Variants in PIEZO2 observed in about 807,000 individuals in gnomAD.
The protein encoded by PIEZO2 is piezo-type mechanosensitive ion channel component 2.
Under a neutral mutation model 337.3 loss-of-function variants are expected in PIEZO2, and 172 were observed. That is an observed-to-expected ratio of 0.51 (90% CI 0.45 to 0.58). The LOEUF is 0.58. Ranked by LOEUF, PIEZO2 falls within the 20% of genes least tolerant of loss-of-function variation. The probability of loss-of-function intolerance (pLI) is 0.00; values close to 1 mark genes in which losing one functional copy is unlikely to be tolerated. For synonymous variants in PIEZO2, 1,251 were observed against 1,228.5 expected (o/e 1.02, Z -0.38); for missense variants, 3,028 against 3,391.3 (o/e 0.89, Z 2.66).
In PIEZO2 at chr18:10,973,696, G is replaced by A. The variant is rs2034330402; in HGVS notation, c.286+5839C>T. Among the ~76,000 whole-genome samples the A allele has an allele frequency of 6.6e-6, 1 of 152,152 alleles. No individual in the cohort carries two copies. Among genetic ancestry groups the A allele is most frequent in the Non-Finnish European group, 1.5e-5 (1 of 68,046 alleles). ...AAGGCTGTGTGTTGTGCCTGAATGA[G>A]TTAGGGAATGGAAAGAGAAGGGGAC... is the stretch of plus-strand genomic sequence containing the variant. On this transcript the variant is annotated intron_variant, in intron 3 of 55. Coordinates refer to ENST00000674853, the MANE Select transcript of PIEZO2 (RefSeq NM_001378183.1). This position sits in a 1 kb window ranked among gnomAD's most constrained non-coding sequence, Gnocchi z 4.9.
chr18:10,715,859 C>T, intron 37 of PIEZO2, 43 bp from the exon 38 acceptor site: 3 of 1,426,610 alleles, frequency 2.1e-6, no homozygotes, highest in Admixed American at 4.4e-5. Flanking sequence ...GAACAAAATA[C>T]CATTGATTTT....
At chr18:11,090,520 G>T (rs189976343) in intron 1 of PIEZO2, among the ~76,000 whole-genome samples, 1 of 152,300 alleles carries the variant, frequency 6.6e-6, no homozygotes, top group East Asian at 1.9e-4. Flanking sequence ...AACCTGAAAG[G>T]GTAGGGGTGG....
intron 1 of PIEZO2, among the ~76,000 whole-genome samples, chr18:11,071,324 T>G (rs1374273264): frequency 6.6e-6 from 1 of 152,258 alleles, no homozygotes; most frequent in Non-Finnish European, 1.5e-5. Flanking sequence ...CTCCTGCTTA[T>G]TTCTCATCCA....
chr18:11,039,208 G>A (rs2037025874), intron 2 of PIEZO2, among the ~76,000 whole-genome samples: 1 of 152,128 alleles, frequency 6.6e-6, no homozygotes, highest in South Asian at 2.1e-4. Context: ...CGCAATGCTG[G>A]GCTCAACAAG....
At position 10,800,342 on chromosome 18, in the gene PIEZO2, G is replaced by T. The variant is rs778003564; in HGVS notation, c.1373C>A (p.Ser458Tyr). The change falls in exon 11 of 56, where the codon TCC becomes TAC. Residue 458 changes from serine to tyrosine, a missense_variant. Physicochemically the swap from Ser to Tyr is moderately radical, Grantham distance 144 (BLOSUM62 -2). This residue lies in a region of PIEZO2 where 542 missense variants were observed against 605.6 expected (regional missense o/e 0.89). Transcript: ENST00000674853. Reference sequence around the variant, plus strand: ...AGTGCAGGGCTGGCTCCTACCTGAGGATTCATCAGAGGGCTCCCACCGGTA... The same window carrying T: ...AGTGCAGGGCTGGCTCCTACCTGAGTATTCATCAGAGGGCTCCCACCGGTA... ...PQYRWEPSDE[S>Y]SEKREEEEEE... 2 of 1,534,560 alleles carry T rather than the reference G, an allele frequency of 1.3e-6. No homozygotes were observed. Among genetic ancestry groups the T allele is most frequent in the Non-Finnish European group, 1.7e-6 (2 of 1,145,818 alleles).
rs74675729 is a variant in PIEZO2 at position 10,683,391 on chromosome 18, G to A, written c.7498-1099C>T. 7.5e-4 allele frequency among the ~76,000 whole-genome samples: 114 copies of A among 152,336 alleles called. 4 individuals are homozygous for A. In the East Asian group the frequency reaches 0.02, roughly 27 times the overall value. The stretch of plus-strand genomic sequence containing the variant: ...GGTGGTGGGCCAGGGCCAGTGCGTA[G>A]TGCACTCTGCATTCAGTGTGCATAA... On this transcript the variant is annotated intron_variant, in intron 49 of 55. Transcript: ENST00000674853.
chr18:10,889,358 G>C (rs1246181088), intron 4 of PIEZO2, among the ~76,000 whole-genome samples: 1 of 152,196 alleles, frequency 6.6e-6, no homozygotes, highest in African/African-American at 2.4e-5. Flanking sequence ...AAGCTACCTT[G>C]AGAAATCTTT....
chr18:11,057,676 C>T (rs1043488078), intron 2 of PIEZO2, among the ~76,000 whole-genome samples: 4 of 152,146 alleles, frequency 2.6e-5, no homozygotes, highest in Non-Finnish European at 2.9e-5. Flanking sequence ...GACCAGTCAA[C>T]GTGGCTATTG....
chr18:11,124,099 G>A (rs1261314212), intron 1 of PIEZO2, among the ~76,000 whole-genome samples: 5 of 152,138 alleles, frequency 3.3e-5, no homozygotes, highest in Non-Finnish European at 7.4e-5. Flanking sequence ...CCAGAGTTTA[G>A]GTAAGTATAT....
Position 10,766,225 on chromosome 18 carries a change from A to C in PIEZO2, c.2947-3127T>G, listed in dbSNP as rs1321641218. On this transcript the variant is annotated intron_variant, in intron 21 of 55. Coordinates refer to ENST00000674853, the MANE Select transcript of PIEZO2 (RefSeq NM_001378183.1). The surrounding 1 kb of genome is among the most constrained non-coding windows in gnomAD (Gnocchi z 6.1). ...TGGAAGGAAAGAAGAAGAAAGAAGG[A>C]GGAACAGGAGGAGGAGGAGGGATAA... is the stretch of plus-strand genomic sequence containing the variant. Among the ~76,000 whole-genome samples the C allele has an allele frequency of 2.5e-5, 3 of 118,044 alleles. No homozygotes were observed. The highest frequency in any genetic ancestry group is 1.0e-4 in the African/African-American group (3 of 29,412). 77.4% of individuals were successfully genotyped at this position (118,044 alleles called of 152,430 possible).
At position 11,128,365 on chromosome 18, in the gene PIEZO2, C is replaced by T. The variant is rs919183670; in HGVS notation, c.64+20160G>A. 5.9e-5 allele frequency among the ~76,000 whole-genome samples: 9 copies of T among 152,172 alleles called. No homozygotes were observed. Among genetic ancestry groups the T allele is most frequent in the Non-Finnish European group, 1.0e-4 (7 of 68,018 alleles). Reference sequence around the variant, plus strand: ...TATCATGAGAGTGGCTGACCTGCAACGAAAGATACATGCACAGCCCCGCCA... The same window carrying T: ...TATCATGAGAGTGGCTGACCTGCAATGAAAGATACATGCACAGCCCCGCCA... On this transcript the variant is annotated intron_variant, in intron 1 of 55. Transcript: ENST00000674853. This position sits in a 1 kb window ranked among gnomAD's most constrained non-coding sequence, Gnocchi z 4.1.
At chr18:11,000,523 G>A (rs532703091) in intron 2 of PIEZO2, among the ~76,000 whole-genome samples, 3 of 152,278 alleles carry the variant, frequency 2.0e-5, no homozygotes, top group African/African-American at 7.2e-5. Context: ...AAGGGAAGAG[G>A]ACAGGGACCT....
intron 7 of PIEZO2, among the ~76,000 whole-genome samples, chr18:10,814,715 C>A (rs1439062892): frequency 6.6e-6 from 1 of 152,162 alleles, no homozygotes; most frequent in Non-Finnish European, 1.5e-5. Context: ...AGACTCCAAG[C>A]ATCCTGGGCT....
chr18:11,091,383 C>CAA (rs529307821), intron 1 of PIEZO2, among the ~76,000 whole-genome samples: 3,241 of 77,668 alleles, frequency 0.042, 49 homozygotes, highest in South Asian at 0.081. Flanking sequence ...GACTCCGTCT[C>CAA]AAAAAAAAAA....
Position 10,970,678 on chromosome 18 carries a change from A to T in PIEZO2, c.286+8857T>A, listed in dbSNP as rs1040208471. ...AGATGTTTCACACACACACACACAC[A>T]CACACACACACACACACACACACAC... is the stretch of plus-strand genomic sequence containing the variant. On this transcript the variant is annotated intron_variant, in intron 3 of 55. Transcript: ENST00000674853. Among the ~76,000 whole-genome samples the T allele has an allele frequency of 5.9e-3, 862 of 145,130 alleles. 9 individuals carry two copies. Among genetic ancestry groups the T allele is most frequent in the African/African-American group, 0.021 (809 of 38,630 alleles).
At chr18:10,935,246 C>T (rs1324384782) in intron 3 of PIEZO2, among the ~76,000 whole-genome samples, 1 of 152,086 alleles carries the variant, frequency 6.6e-6, no homozygotes, top group Non-Finnish European at 1.5e-5. Flanking sequence ...TCCGCGATGC[C>T]ACACATGATT....
At chr18:10,701,919 A>T (rs1598375574) in intron 43 of PIEZO2, 70 bp downstream of exon 43, 1 of 1,337,004 alleles carries the variant, frequency 7.5e-7, no homozygotes, top group East Asian at 2.7e-5. Context: ...CAGGTTATCT[A>T]GGAAGATTAC....
rs561485456 is a variant in PIEZO2 at position 10,727,030 on chromosome 18, C to A, written c.5029+4377G>T. ...GCTGTTTGCTCTGTGCTTCCACGGT[C>A]TGGGTGTTTCTTGGGGGGTGTTGGG... On this transcript the variant is annotated intron_variant, in intron 36 of 55. Transcript: ENST00000674853. This position sits in a 1 kb window ranked among gnomAD's most constrained non-coding sequence, Gnocchi z 6.3. 1.1e-5 allele frequency: 8 copies of A among 712,490 alleles called. No homozygotes were observed. The Admixed American group carries it at 1.6e-4, about 14-fold the overall frequency. The allele number at this position is 712,490 out of a possible 1,614,324, so 44.1% of individuals were successfully genotyped here.
rs558420292 is a variant in PIEZO2 at position 11,110,678 on chromosome 18, G to A, written c.64+37847C>T. On this transcript the variant is annotated intron_variant, in intron 1 of 55. Coordinates refer to ENST00000674853, the MANE Select transcript of PIEZO2 (RefSeq NM_001378183.1). This position sits in a 1 kb window ranked among gnomAD's most constrained non-coding sequence, Gnocchi z 4.2. ...TCAGTGGCCTCTGATGCGATGCCTC[G>A]TCATCCTTTCCGCCCCTCCCCGCCC... Among the ~76,000 whole-genome samples, 12 of 152,182 alleles carry A rather than the reference G, an allele frequency of 7.9e-5. No homozygotes were observed. The highest frequency in any genetic ancestry group is 1.2e-4 in the African/African-American group (5 of 41,452).
Sources: gnomAD v4.1 joint callset for allele counts (sites outside exome capture counted in the v4.1 genomes callset) on GRCh38, gnomAD v4.1.1 for gene constraint, gnomAD v4.1.1 regional missense constraint, Gnocchi (gnomAD v3.1) non-coding constraint, MANE v1.5 for transcripts, NCBI Gene and HGNC (gene_info 2026-07-23, HGNC 2026-07-21) for gene names.